Variants in MCMBP observed in about 807,000 individuals in gnomAD.
The protein encoded by MCMBP is minichromosome maintenance complex binding protein, also known as mini-chromosome maintenance complex-binding protein.
A neutral mutation model predicts 81.3 loss-of-function variants in MCMBP; 31 were observed. The observed-to-expected ratio is 0.38, with a 90% CI of 0.29 to 0.51. The LOEUF (loss-of-function observed/expected upper bound fraction) is 0.51. MCMBP is among the 20% of genes least tolerant of loss of function. The pLI is 0.87. For synonymous variants in MCMBP, 267 were observed against 275.9 expected (o/e 0.97, Z 0.32); for missense variants, 645 against 772.1 (o/e 0.84, Z 1.95).
upstream of MCMBP, among the ~76,000 whole-genome samples, chr10:119,873,123 C>T (rs1040998391): frequency 4.6e-5 from 7 of 152,106 alleles, no homozygotes; most frequent in African/African-American, 1.4e-4. Flanking sequence ...TATAAGAGGG[C>T]AAAGCGAGTC....
At chr10:119,841,081 CA>C in intron 10 of MCMBP, 121 bp from the exon 11 acceptor site, 1 of 683,288 alleles carries the variant, frequency 1.5e-6, no homozygotes. Flanking sequence ...ATATTCTGAC[CA>C]GTTATTTTAT....
At chr10:119,861,464 C>A (rs1853251081) in intron 1 of MCMBP, among the ~76,000 whole-genome samples, 1 of 152,052 alleles carries the variant, frequency 6.6e-6, no homozygotes, top group Admixed American at 6.6e-5. Context: ...TTTTAAAAAG[C>A]CCTCTATGTG....
At chr10:119,857,941 C>T (rs1283615165) in intron 4 of MCMBP, 1 of 152,224 alleles carries the variant, frequency 6.6e-6, no homozygotes, top group Non-Finnish European at 1.5e-5. Context: ...AAAAATGTAA[C>T]TTCTGACAAT....
intron 1 of MCMBP, among the ~76,000 whole-genome samples, chr10:119,870,054 C>T (rs1195085864): frequency 1.3e-5 from 2 of 152,160 alleles, no homozygotes; most frequent in Non-Finnish European, 2.9e-5. Context: ...TGGCTACTGC[C>T]CTGGACAGCA....
At position 119,829,766 on chromosome 10, in the gene MCMBP, T is replaced by C. The variant is rs1424390159; in HGVS notation, c.*1708A>G. 6.6e-6 allele frequency: 1 copy of C among 152,194 alleles called. No homozygotes were observed. The highest frequency in any genetic ancestry group is 6.5e-5 in the Admixed American group (1 of 15,284). 9.4% of individuals were successfully genotyped at this position (152,194 alleles called of 1,614,324 possible). A position where few individuals can be genotyped will look rare whatever the true frequency, so the allele number is the denominator to read the frequency against. On this transcript the variant is annotated 3_prime_UTR_variant, in exon 16 of 16. Transcript: ENST00000369077. ...AGATCACATGGGATGGTGAATCTTCTTACTCATGAAAAACAGCCCAAGGTA... is the reference window on the plus strand; with the variant it reads ...AGATCACATGGGATGGTGAATCTTCCTACTCATGAAAAACAGCCCAAGGTA...
At chr10:119,856,756 C>T (rs34580690) in intron 5 of MCMBP, among the ~76,000 whole-genome samples, 8,403 of 152,254 alleles carry the variant, frequency 0.055, 425 homozygotes, top group South Asian at 0.27. Context: ...AACACGTTGT[C>T]TTCCCTTAAT....
intron 14 of MCMBP, among the ~76,000 whole-genome samples, chr10:119,833,542 G>C (rs973228573): frequency 2.6e-5 from 4 of 151,984 alleles, no homozygotes; most frequent in African/African-American, 9.7e-5. Flanking sequence ...GTTGGGCATG[G>C]TGGTGCACAC....
chr10:119,868,411 G>A (rs997565777), intron 1 of MCMBP, among the ~76,000 whole-genome samples: 1 of 152,184 alleles, frequency 6.6e-6, no homozygotes, highest in Non-Finnish European at 1.5e-5. Flanking sequence ...GGGCAACAGA[G>A]CAAGACACTG....
chr10:119,872,427 C>G (rs1853719051), intron 1 of MCMBP, 100 bp downstream of exon 1: 1 of 690,232 alleles, frequency 1.4e-6, no homozygotes, highest in Non-Finnish European at 1.9e-6. Flanking sequence ...CACGCGAGCC[C>G]TCGAGATGGT....
chr10:119,850,747 T>TTA (rs1852785797), intron 6 of MCMBP, among the ~76,000 whole-genome samples: 1 of 118,060 alleles, frequency 8.5e-6, no homozygotes, highest in Non-Finnish European at 1.7e-5. Context: ...AGACTCCGTC[T>TTA]AAAAAAAAAA....
intron 12 of MCMBP, 94 bp downstream of exon 12, chr10:119,838,441 A>C (rs1463342853): frequency 8.2e-7 from 1 of 1,219,516 alleles, no homozygotes; most frequent in East Asian, 2.4e-5. Context: ...GTTAAATGTG[A>C]ATTTGTCCAT....
At chr10:119,852,513 C>A (rs987702674) in intron 6 of MCMBP, among the ~76,000 whole-genome samples, 2 of 152,226 alleles carry the variant, frequency 1.3e-5, no homozygotes, top group South Asian at 2.1e-4. Context: ...CATCTCTACA[C>A]AAAATTTAAA....
At chr10:119,840,101 T>G (rs1852383714) in intron 11 of MCMBP, among the ~76,000 whole-genome samples, 1 of 152,232 alleles carries the variant, frequency 6.6e-6, no homozygotes, top group African/African-American at 2.4e-5. Flanking sequence ...TTACTTTATC[T>G]TCTAGTTTGG....
chr10:119,868,133 C>A (rs1192581792), intron 1 of MCMBP, among the ~76,000 whole-genome samples: 1 of 152,126 alleles, frequency 6.6e-6, no homozygotes, highest in Non-Finnish European at 1.5e-5. Flanking sequence ...GAAGGGAAAA[C>A]AGCTAAAGAG....
At chr10:119,867,058 C>T (rs1413495156) in intron 1 of MCMBP, among the ~76,000 whole-genome samples, 3 of 151,806 alleles carry the variant, frequency 2.0e-5, no homozygotes, top group Non-Finnish European at 2.9e-5. Context: ...TTTGGGAGGC[C>T]GAGGGTGGTG....
chr10:119,838,761 T>C, intron 11 of MCMBP, 61 bp from the exon 12 acceptor site: 1 of 1,411,072 alleles, frequency 7.1e-7, no homozygotes, highest in Non-Finnish European at 9.8e-7. Context: ...AGAAAATATG[T>C]ACTTGGAATT....
At chr10:119,860,492 T>C (rs1853213672) in intron 1 of MCMBP, among the ~76,000 whole-genome samples, 1 of 152,198 alleles carries the variant, frequency 6.6e-6, no homozygotes, top group African/African-American at 2.4e-5. Flanking sequence ...AGTACTGTTA[T>C]CAACCTCAGG....
At chr10:119,840,444 CA>C (rs1202731542) in intron 11 of MCMBP, among the ~76,000 whole-genome samples, 1 of 152,132 alleles carries the variant, frequency 6.6e-6, no homozygotes, top group Non-Finnish European at 1.5e-5. Context: ...CTCAACTTTC[CA>C]AACAGGAATT....
chr10:119,854,849 G>A (rs1365198190), intron 5 of MCMBP, among the ~76,000 whole-genome samples: 2 of 151,500 alleles, frequency 1.3e-5, no homozygotes, highest in East Asian at 3.9e-4. Flanking sequence ...AGCTACTCTG[G>A]AGGCTGAGGC....
Sources: gnomAD v4.1 joint callset for allele counts (sites outside exome capture counted in the v4.1 genomes callset) on GRCh38, gnomAD v4.1.1 for gene constraint, MANE v1.5 for transcripts, NCBI Gene and HGNC (gene_info 2026-07-23, HGNC 2026-07-21) for gene names.